FAM107B: variants seen among roughly 807,000 people sequenced by gnomAD.
FAM107B encodes protein FAM107B.
In FAM107B, 21 loss-of-function variants were observed where a neutral mutation model predicts 31.5. That is an observed-to-expected ratio of 0.67 (90% confidence interval 0.47 to 0.96). The LOEUF is 0.96. FAM107B is among the 40% of genes least tolerant of loss of function. The pLI is 0.00. For missense variants in FAM107B, 452 were observed against 377.1 expected (o/e 1.20, Z -1.64); for synonymous variants, 157 against 141.5 (o/e 1.11, Z -0.78).
intron 1 of FAM107B, among the ~76,000 whole-genome samples, chr10:14,762,792 AC>A (rs1833081270): frequency 6.7e-6 from 1 of 148,856 alleles, no homozygotes; most frequent in African/African-American, 2.6e-5. Context: ...ACACACACAC[AC>A]ACACACACAA....
At chr10:14,565,868 G>A (rs1253058781) in intron 2 of FAM107B, among the ~76,000 whole-genome samples, 1 of 152,152 alleles carries the variant, frequency 6.6e-6, no homozygotes, top group African/African-American at 2.4e-5. Context: ...GTTTCACAGA[G>A]GAGGATGCGC....
At chr10:14,627,789 A>T (rs1853203458) in intron 2 of FAM107B, among the ~76,000 whole-genome samples, 1 of 151,986 alleles carries the variant, frequency 6.6e-6, no homozygotes, top group South Asian at 2.1e-4. Context: ...AAGAAAAAAA[A>T]ATCAGAGTAG....
intron 1 of FAM107B, among the ~76,000 whole-genome samples, chr10:14,686,183 G>T (rs1854982171): frequency 1.3e-5 from 2 of 152,128 alleles, no homozygotes; most frequent in Admixed American, 1.3e-4. Flanking sequence ...GAGGTCAGGA[G>T]TTCGAGACCA....
intron 2 of FAM107B, among the ~76,000 whole-genome samples, chr10:14,549,989 AC>A (rs1289915843): frequency 1.3e-5 from 2 of 152,122 alleles, no homozygotes; most frequent in Non-Finnish European, 2.9e-5. Flanking sequence ...GAGCATAACA[AC>A]CGTTTTTCTT....
At chr10:14,750,153 GGAA>G (rs1297331387) in intron 1 of FAM107B, among the ~76,000 whole-genome samples, 2 of 152,200 alleles carry the variant, frequency 1.3e-5, no homozygotes, top group Non-Finnish European at 2.9e-5. Flanking sequence ...GCTTTCTTAT[GGAA>G]GAAGAATTGC....
At chr10:14,628,112 G>GTTTTTTTTTGTTTGTTTTT (rs58879328) in intron 2 of FAM107B, among the ~76,000 whole-genome samples, 1 of 92,676 alleles carries the variant, frequency 1.1e-5, no homozygotes, top group Non-Finnish European at 2.1e-5. Context: ...TGTTTTGCTG[G>GTTTTTTTTTGTTTGTTTTT]TTTTTTTTTT....
intron 1 of FAM107B, among the ~76,000 whole-genome samples, chr10:14,745,413 T>C (rs1462505077): frequency 1.3e-5 from 2 of 152,224 alleles, no homozygotes; most frequent in African/African-American, 4.8e-5. Flanking sequence ...TTTGAGATCT[T>C]TCTAGCTTTT....
chr10:14,725,355 G>C (rs1340691501), intron 1 of FAM107B, among the ~76,000 whole-genome samples: 1 of 152,212 alleles, frequency 6.6e-6, no homozygotes, highest in African/African-American at 2.4e-5. Flanking sequence ...GGCAAGGTTT[G>C]TAAACCACAG....
intron 1 of FAM107B, among the ~76,000 whole-genome samples, chr10:14,747,825 G>T (rs1175242004): frequency 1.3e-5 from 2 of 152,182 alleles, no homozygotes; most frequent in African/African-American, 4.8e-5. Context: ...CTGCCCCTTG[G>T]TGGAGGGGGT....
At chr10:14,735,067 T>C (rs986831204) in intron 1 of FAM107B, among the ~76,000 whole-genome samples, 2 of 152,210 alleles carry the variant, frequency 1.3e-5, no homozygotes, top group African/African-American at 4.8e-5. Context: ...TCCAGGCTTC[T>C]CTTGCAAAAC....
chr10:14,652,762 C>T (rs1297409127), intron 2 of FAM107B: 1 of 152,156 alleles, frequency 6.6e-6, no homozygotes, highest in African/African-American at 2.4e-5. Context: ...GTAATACGCT[C>T]CTGAATGTGC....
intron 2 of FAM107B, among the ~76,000 whole-genome samples, chr10:14,641,783 G>C (rs1291196264): frequency 2.6e-5 from 4 of 151,970 alleles, no homozygotes; most frequent in Non-Finnish European, 4.4e-5. Flanking sequence ...ATTTGTGGTG[G>C]GGCAGGAGGG....
intron 1 of FAM107B, among the ~76,000 whole-genome samples, chr10:14,731,051 C>A (rs17267436): frequency 0.034 from 5,233 of 152,150 alleles, 128 homozygotes; most frequent in Admixed American, 0.061. Flanking sequence ...CAGGCACAGG[C>A]GGATATTACA....
intron 2 of FAM107B, among the ~76,000 whole-genome samples, chr10:14,628,116 T>TTTTTTGTTTTTTTTTTTTTG (rs1365254721): frequency 8.2e-6 from 1 of 121,628 alleles, no homozygotes; most frequent in Non-Finnish European, 1.7e-5. Flanking sequence ...TTGCTGGTTT[T>TTTTTTGTTTTTTTTTTTTTG]TTTTTTTTTT....
intron 2 of FAM107B, among the ~76,000 whole-genome samples, chr10:14,652,448 C>T (rs192228094): frequency 1.3e-5 from 2 of 152,330 alleles, no homozygotes; most frequent in African/African-American, 4.8e-5. Flanking sequence ...GGGGTTTGGA[C>T]TCAACCAGGC....
Position 14,521,887 on chromosome 10 carries a change from C to T in FAM107B, c.786G>A (p.Arg262=), listed in dbSNP as rs149948586. ...CCCTTACCTGCTCCAACTTCTGCTGCCGTTTTAATAGCTCTATTTCCAAGT... is the reference window on the plus strand; with the variant it reads ...CCCTTACCTGCTCCAACTTCTGCTGTCGTTTTAATAGCTCTATTTCCAAGT... ...KSDLEIELLK[R]QQKLEQLELE... Residue 262 remains arginine, a synonymous_variant, in exon 4 of 5, where the codon CGG becomes CGA. Transcript: ENST00000181796. 3.8e-4 allele frequency: 609 copies of T among 1,613,906 alleles called. 2 individuals carry two copies. Among genetic ancestry groups the T allele is most frequent in the Admixed American group, 5.3e-4 (32 of 59,930 alleles).
intron 3 of FAM107B, among the ~76,000 whole-genome samples, chr10:14,523,356 C>T (rs568378215): frequency 9.2e-5 from 14 of 152,344 alleles, no homozygotes; most frequent in African/African-American, 3.4e-4. Context: ...AGGAAAAGCG[C>T]TTTCAATTTC....
intron 2 of FAM107B, chr10:14,556,265 G>T: frequency 2.5e-6 from 2 of 815,542 alleles, no homozygotes; most frequent in Non-Finnish European, 3.0e-6. Flanking sequence ...AGAACCGACT[G>T]ACTGGAAGGC....
intron 2 of FAM107B, chr10:14,554,219 C>T: frequency 1.1e-6 from 1 of 910,436 alleles, no homozygotes; most frequent in South Asian, 5.1e-5. Flanking sequence ...AAACACACCT[C>T]CCCCACGAAT....
Sources: allele counts gnomAD v4.1 joint callset (sites outside exome capture counted in the v4.1 genomes callset), GRCh38; gene constraint gnomAD v4.1.1; transcripts MANE v1.5; gene names NCBI Gene and HGNC (gene_info 2026-07-23, HGNC 2026-07-21).